The following PTPRD variants were observed in gnomAD, a reference collection of about 807,000 sequenced individuals.
PTPRD encodes receptor-type tyrosine-protein phosphatase delta.
In PTPRD, 34 loss-of-function variants were observed where a neutral mutation model predicts 214.5. The ratio of observed to expected loss-of-function variants is 0.16; its 90% CI spans 0.12 to 0.21. The LOEUF (loss-of-function observed/expected upper bound fraction) is 0.21. PTPRD is among the 10% of genes least tolerant of loss of function. The pLI is 1.00. For missense variants in PTPRD, 2,545 were observed against 2,398.7 expected (o/e 1.06, Z -1.27); for synonymous variants, 1,128 against 845.7 (o/e 1.33, Z -5.79).
Position 9,609,409 on chromosome 9 carries a change from G to A in PTPRD, c.-286-34628C>T, listed in dbSNP as rs190706299. On this transcript the variant is annotated intron_variant, in intron 7 of 45. Transcript: ENST00000381196. ...CAAAAAAACAGAAGCACAGACAAAA[G>A]AAACTTTGGGAAGAAGAGATGTATA... 5.8e-4 allele frequency among the ~76,000 whole-genome samples: 88 copies of A among 152,246 alleles called. No homozygotes were observed. The East Asian group carries it at 0.011, about 20-fold the overall frequency.
intron 11 of PTPRD, among the ~76,000 whole-genome samples, chr9:8,929,701 ATG>A (rs1435689583): frequency 1.4e-5 from 2 of 145,496 alleles, no homozygotes; most frequent in Admixed American, 7.0e-5. Context: ...GTATATATAT[ATG>A]TGTATATATA....
At chr9:8,341,484 G>A (rs1449661264) in intron 40 of PTPRD, among the ~76,000 whole-genome samples, 1 of 152,042 alleles carries the variant, frequency 6.6e-6, no homozygotes, top group Non-Finnish European at 1.5e-5. Flanking sequence ...AGTCTCTCAA[G>A]TTAGGAGACA....
chr9:9,595,304 AT>A (rs1592514660), intron 7 of PTPRD, among the ~76,000 whole-genome samples: 2 of 76,458 alleles, frequency 2.6e-5, no homozygotes, highest in East Asian at 5.9e-4. Flanking sequence ...ATATATATAT[AT>A]ATATATTATA....
chr9:9,024,967 T>C (rs1048834833), intron 10 of PTPRD, among the ~76,000 whole-genome samples: 10 of 152,048 alleles, frequency 6.6e-5, no homozygotes, highest in African/African-American at 1.9e-4. Context: ...TGAATAAATT[T>C]AAGTAAAGTT....
chr9:10,318,848 G>A (rs2154425923), intron 3 of PTPRD, among the ~76,000 whole-genome samples: 1 of 152,192 alleles, frequency 6.6e-6, no homozygotes, highest in South Asian at 2.1e-4. Context: ...TTATGTAGTA[G>A]CAGAGAATGT....
At chr9:8,526,562 A>G in intron 17 of PTPRD, 65 bp downstream of exon 17, 2 of 1,394,362 alleles carry the variant, frequency 1.4e-6, no homozygotes, top group Non-Finnish European at 1.9e-6. Context: ...GACAAAGATG[A>G]GAGGGATGAA....
intron 3 of PTPRD, among the ~76,000 whole-genome samples, chr9:10,051,555 T>C (rs927704161): frequency 6.6e-6 from 1 of 152,084 alleles, no homozygotes; most frequent in Non-Finnish European, 1.5e-5. Flanking sequence ...ACCCATTAAC[T>C]CGTCATTTAG....
intron 7 of PTPRD, among the ~76,000 whole-genome samples, chr9:9,689,031 G>A (rs1469503516): frequency 1.3e-5 from 2 of 151,824 alleles, no homozygotes; most frequent in African/African-American, 2.4e-5. Context: ...TAAATTAAAT[G>A]TACACAAACT....
At chr9:9,292,399 A>G (rs915411175) in intron 9 of PTPRD, among the ~76,000 whole-genome samples, 1 of 151,454 alleles carries the variant, frequency 6.6e-6, no homozygotes, top group Non-Finnish European at 1.5e-5. Context: ...TACATTGTAT[A>G]TCAGTAACAC....
rs10122809 is a variant in PTPRD, at chr9:8,688,967, T to C, written c.64+44813A>G. On this transcript the variant is annotated intron_variant, in intron 12 of 45. Coordinates refer to ENST00000381196, the MANE Select transcript of PTPRD (RefSeq NM_002839.4). ...ACATGAATGCATTTGAAGAATGTTCTAAATTTTATAAATCAGGGCATGAGA... is the reference window on the plus strand; with the variant it reads ...ACATGAATGCATTTGAAGAATGTTCCAAATTTTATAAATCAGGGCATGAGA... 9.6e-3 allele frequency among the ~76,000 whole-genome samples: 1,468 copies of C among 152,320 alleles called. 30 individuals are homozygous for C. The highest frequency in any genetic ancestry group is 0.034 in the African/African-American group (1,412 of 41,574).
intron 11 of PTPRD, among the ~76,000 whole-genome samples, chr9:8,875,788 GA>G (rs1345133873): frequency 1.3e-5 from 2 of 152,134 alleles, no homozygotes; most frequent in Non-Finnish European, 2.9e-5. Context: ...AGAGTGGGCT[GA>G]AATCCTGGCT....
chr9:10,192,327 T>C (rs190206514), intron 3 of PTPRD, among the ~76,000 whole-genome samples: 9 of 151,822 alleles, frequency 5.9e-5, no homozygotes, highest in African/African-American at 1.7e-4. Flanking sequence ...TGTAAGAAAA[T>C]TGCCACACAC....
At chr9:10,278,161 A>G (rs536658369) in intron 3 of PTPRD, among the ~76,000 whole-genome samples, 6 of 152,082 alleles carry the variant, frequency 3.9e-5, no homozygotes, top group Non-Finnish European at 8.8e-5. Context: ...GTCTCAAAAA[A>G]CAAAACAAAA....
chr9:8,588,038 G>A (rs896766675), intron 14 of PTPRD, among the ~76,000 whole-genome samples: 1 of 152,148 alleles, frequency 6.6e-6, no homozygotes, highest in Non-Finnish European at 1.5e-5. Context: ...CAGCTCCCCC[G>A]TGACAATTTT....
chr9:8,647,372 T>C (rs2096717168), intron 12 of PTPRD, among the ~76,000 whole-genome samples: 1 of 152,218 alleles, frequency 6.6e-6, no homozygotes, highest in African/African-American at 2.4e-5. Context: ...TTTTAAGAAT[T>C]TTCCATGCTT....
chr9:10,018,739 C>CG (rs1429791569), intron 4 of PTPRD, among the ~76,000 whole-genome samples: 3 of 150,196 alleles, frequency 2.0e-5, no homozygotes, highest in Non-Finnish European at 3.0e-5. Flanking sequence ...TTAGTAGAGA[C>CG]GGGGTTTCAC....
chr9:10,198,586 T>C (rs1263892709), intron 3 of PTPRD, among the ~76,000 whole-genome samples: 8 of 152,120 alleles, frequency 5.3e-5, no homozygotes, highest in Admixed American at 2.6e-4. Context: ...ACAGGACTGT[T>C]AGAGGCAAGG....
chr9:9,164,462 C>T (rs74858241), intron 10 of PTPRD, among the ~76,000 whole-genome samples: 10,209 of 152,174 alleles, frequency 0.067, 601 homozygotes, highest in East Asian at 0.25. Context: ...AACTTAATCA[C>T]GTCTGCAAAA....
intron 9 of PTPRD, among the ~76,000 whole-genome samples, chr9:9,361,564 G>C (rs904246319): frequency 6.6e-6 from 1 of 150,512 alleles, no homozygotes; most frequent in African/African-American, 2.4e-5. Context: ...CATGTTTTTG[G>C]TACATGTGAT....
Sources: gnomAD v4.1 joint callset for allele counts (sites outside exome capture counted in the v4.1 genomes callset) on GRCh38, gnomAD v4.1.1 for gene constraint, MANE v1.5 for transcripts, NCBI Gene and HGNC (gene_info 2026-07-23, HGNC 2026-07-21) for gene names.